Variants in PCDHGA4 observed in about 807,000 individuals in gnomAD.
PCDHGA4 encodes the protein protocadherin gamma subfamily A, 4, also known as protocadherin gamma-A4.
PCDHGA4 carries 38 observed loss-of-function variants against 54.6 expected under a neutral mutation model. The ratio of observed to expected loss-of-function variants is 0.70; its 90% confidence interval spans 0.54 to 0.91. The LOEUF (loss-of-function observed/expected upper bound fraction) is 0.91. Among genes scored for constraint, PCDHGA4 ranks in the 40% least tolerant of loss-of-function variants. The pLI is 0.00. For missense variants in PCDHGA4, 1,298 were observed against 1,220.9 expected, an observed-to-expected ratio of 1.06 and a Z score of -0.94; for synonymous variants, 511 against 512.9, an observed-to-expected ratio of 1.00 and a Z score of 0.05.
intron 1 of PCDHGA4, among the ~76,000 whole-genome samples, chr5:141,448,660 G>T (rs2098599264): frequency 6.6e-6 from 1 of 151,712 alleles, no homozygotes; most frequent in African/African-American, 2.4e-5. Context: ...TTCCATATTG[G>T]CCGGGCGCGG....
intron 1 of PCDHGA4, among the ~76,000 whole-genome samples, chr5:141,429,826 C>T (rs1211415098): frequency 2.6e-5 from 4 of 152,054 alleles, no homozygotes; most frequent in Non-Finnish European, 4.4e-5. Context: ...GGTCAGTTAC[C>T]CAGGAAAAGG....
At position 141,385,121 on chromosome 5, in the gene PCDHGA4, T is replaced by C. The variant is rs748623262; in HGVS notation, c.2514+27500T>C. On this transcript the variant is annotated intron_variant, in intron 1 of 3. Transcript: ENST00000571252. The stretch of plus-strand genomic sequence containing the variant: ...GCGAACGTGCCCACCTCGCACTTTG[T>C]GGGCATGGACGGGGTGCAGGCTTTC... 14 of 1,614,214 alleles carry C rather than the reference T, an allele frequency of 8.7e-6. No homozygotes were observed. The Admixed American group carries it at 2.3e-4, about 27-fold the overall frequency.
At chr5:141,416,274 A>G (rs2096010347) in intron 1 of PCDHGA4, 2 of 152,404 alleles carry the variant, frequency 1.3e-5, no homozygotes, top group Non-Finnish European at 1.5e-5. Flanking sequence ...CTTTTTGCAT[A>G]CAATTCTCTA....
At chr5:141,462,996 G>A (rs2099050826) in intron 1 of PCDHGA4, among the ~76,000 whole-genome samples, 1 of 152,082 alleles carries the variant, frequency 6.6e-6, no homozygotes, top group South Asian at 2.1e-4. Flanking sequence ...GGCTAATTTA[G>A]ACCTACCACT....
At chr5:141,357,688 C>G in intron 1 of PCDHGA4, 67 bp downstream of exon 1, 1 of 1,562,846 alleles carries the variant, frequency 6.4e-7, no homozygotes, top group Non-Finnish European at 8.7e-7. Flanking sequence ...AAATGTCTCT[C>G]ATTTTATATG....
At chr5:141,433,308 C>A in intron 1 of PCDHGA4, 2 of 915,352 alleles carry the variant, frequency 2.2e-6, no homozygotes, top group Non-Finnish European at 1.6e-6. Context: ...ATTATCCCAC[C>A]TTTGCCTCCG....
At chr5:141,505,650 T>C (rs1595974645) in intron 3 of PCDHGA4, among the ~76,000 whole-genome samples, 169 bp downstream of exon 3, 1 of 152,094 alleles carries the variant, frequency 6.6e-6, no homozygotes, top group East Asian at 1.9e-4. Flanking sequence ...GAATTGTGGC[T>C]AAGGAACAGC....
At chr5:141,365,172 T>C in intron 1 of PCDHGA4, 2 of 1,613,882 alleles carry the variant, frequency 1.2e-6, no homozygotes, top group Non-Finnish European at 1.7e-6. Context: ...ACCTACTCTT[T>C]TCGCAATGAA....
At chr5:141,403,645 A>G (rs2154534430) in intron 1 of PCDHGA4, 1 of 1,613,922 alleles carries the variant, frequency 6.2e-7, no homozygotes, top group South Asian at 1.1e-5. Flanking sequence ...TCCATGTGAC[A>G]GTGTTGGATA....
rs201704748 is a variant in PCDHGA4, at chr5:141,431,453, G to A, written c.2515-63354G>A. The A allele has an allele frequency of 5.7e-4, 914 of 1,613,802 alleles. 10 individuals are homozygous for A. The South Asian group carries it at 9.6e-3, about 17-fold the overall frequency. ...AGGCACCGCGCGCATCCGCGTGATG[G>A]TTCTGGATGCGAACGACAACGCACC... On this transcript the variant is annotated intron_variant, in intron 1 of 3. Coordinates refer to ENST00000571252, the MANE Select transcript of PCDHGA4 (RefSeq NM_018917.4). This position sits in a 1 kb window ranked among gnomAD's most constrained non-coding sequence, Gnocchi z 4.8.
In PCDHGA4 at chr5:141,355,695, C is replaced by G. The variant is rs1485477328; in HGVS notation, c.588C>G (p.Asn196Lys). 1 of 1,614,008 alleles carries G rather than the reference C, an allele frequency of 6.2e-7. No homozygotes were observed. The highest frequency in any genetic ancestry group is 8.5e-7 in the Non-Finnish European group (1 of 1,179,906). Reference sequence around the variant, plus strand: ...CTTTTGATCCGGATGTAGGTGTAAACTCCCTGCAGGGTTACCAGCTCAACT... The same window carrying G: ...CTTTTGATCCGGATGTAGGTGTAAAGTCCCTGCAGGGTTACCAGCTCAACT... ...PEAFDPDVGV[N>K]SLQGYQLNSN... Residue 196 changes from asparagine (N) to lysine (K), a missense_variant, in exon 1 of 4, where the codon AAC (asparagine) becomes AAG (lysine). Asn to Lys is a moderately conservative substitution (Grantham distance 94). Transcript: ENST00000571252.
chr5:141,361,591 C>T (rs776269447), intron 1 of PCDHGA4: 3 of 1,614,050 alleles, frequency 1.9e-6, no homozygotes, highest in South Asian at 1.1e-5. Context: ...CCCCAGTGGC[C>T]AAGTTTCCTA....
At chr5:141,421,993 A>G in intron 1 of PCDHGA4, 1 of 1,609,190 alleles carries the variant, frequency 6.2e-7, no homozygotes, top group South Asian at 1.1e-5. Flanking sequence ...TCCAGAAAAC[A>G]TCAGCTCCGG....
intron 1 of PCDHGA4, chr5:141,441,330 C>T (rs919906372): frequency 8.5e-5 from 13 of 152,170 alleles, no homozygotes; most frequent in Admixed American, 1.3e-4. Context: ...AATCTTCCTC[C>T]AATAATTAAC....
At chr5:141,458,694 C>G (rs905547768) in intron 1 of PCDHGA4, among the ~76,000 whole-genome samples, 1 of 152,136 alleles carries the variant, frequency 6.6e-6, no homozygotes, top group East Asian at 1.9e-4. Context: ...CTCAGCCTCC[C>G]GAGTAGCTGG....
intron 1 of PCDHGA4, among the ~76,000 whole-genome samples, chr5:141,387,227 A>C (rs1220813655): frequency 1.3e-5 from 2 of 152,230 alleles, no homozygotes; most frequent in Non-Finnish European, 2.9e-5. Flanking sequence ...AAGTTGAAAT[A>C]AATCAACTTG....
Position 141,431,335 on chromosome 5 carries a change from C to G in PCDHGA4, c.2515-63472C>G, listed in dbSNP as rs747132346. On this transcript the variant is annotated intron_variant, in intron 1 of 3. Transcript: ENST00000571252. The surrounding 1 kb of genome is among the most constrained non-coding windows in gnomAD (Gnocchi z 4.8). ...ATGGAGCCGACGGTAGTAAGTACCC[C>G]GAATTGGTGCTGAAACGCGCCCTGG... 2 of 1,614,062 alleles carry G rather than the reference C, an allele frequency of 1.2e-6. No homozygotes were observed. Among genetic ancestry groups the G allele is most frequent in the Non-Finnish European group, 1.7e-6 (2 of 1,180,022 alleles).
chr5:141,361,036 A>G (rs778660154), intron 1 of PCDHGA4: 4 of 1,613,510 alleles, frequency 2.5e-6, no homozygotes, highest in Non-Finnish European at 3.4e-6. Flanking sequence ...AACAGGAGAA[A>G]TCACGACAAA....
chr5:141,400,923 T>C (rs1453975530), intron 1 of PCDHGA4, among the ~76,000 whole-genome samples: 1 of 152,260 alleles, frequency 6.6e-6, no homozygotes, highest in Admixed American at 6.5e-5. Flanking sequence ...AAGAAACTGC[T>C]AGTAGATGTC....
Sources: gnomAD v4.1 joint callset for allele counts (sites outside exome capture counted in the v4.1 genomes callset) on GRCh38, gnomAD v4.1.1 for gene constraint, Gnocchi (gnomAD v3.1) non-coding constraint, MANE v1.5 for transcripts, NCBI Gene and HGNC (gene_info 2026-07-23, HGNC 2026-07-21) for gene names.